Variants in ACTR3C observed in about 807,000 individuals in gnomAD.
ACTR3C encodes actin related protein 3C, also known as actin-related protein 3C.
ACTR3C carries 18 observed loss-of-function variants against 26.3 expected under a neutral mutation model. The observed-to-expected ratio is 0.68, with a 90% confidence interval of 0.47 to 1.01. The LOEUF is 1.01. Among genes scored for constraint, ACTR3C ranks in the 50% least tolerant of loss-of-function variants. ACTR3C has a pLI of 0.00. For synonymous variants in ACTR3C, 55 were observed against 94.5 expected, an observed-to-expected ratio of 0.58 and a Z score of 2.42; for missense variants, 184 against 250.7, an observed-to-expected ratio of 0.73 and a Z score of 1.80.
chr7:149,965,060 T>C, the ACTR3C span, among the ~76,000 whole-genome samples: 1 of 151,948 alleles, frequency 6.6e-6, no homozygotes, highest in Non-Finnish European at 1.5e-5. Context: ...TTCAGGCTAA[T>C]ATTTAACTTT....
chr7:150,067,508 G>A, the ACTR3C span, among the ~76,000 whole-genome samples: 8 of 152,270 alleles, frequency 5.3e-5, no homozygotes, highest in South Asian at 1.7e-3. Context: ...AGGCCCTGGA[G>A]CCCTGGTGTC....
At chr7:150,239,507 GCTCTCTCTCT>G (rs1187583060), downstream of ACTR3C, among the ~76,000 whole-genome samples, 28 of 102,948 alleles carry the variant, frequency 2.7e-4, no homozygotes, top group East Asian at 8.2e-4. Context: ...AAAGTTGCTC[GCTCTCTCTCT>G]CTCTCTCTCT....
the ACTR3C span, among the ~76,000 whole-genome samples, chr7:150,020,411 T>C: frequency 6.6e-6 from 1 of 152,080 alleles, no homozygotes; most frequent in Non-Finnish European, 1.5e-5. Flanking sequence ...CCTATTTCGG[T>C]TTCTGTTTCA....
At chr7:150,209,913 G>A in the ACTR3C span, among the ~76,000 whole-genome samples, 1 of 137,218 alleles carries the variant, frequency 7.3e-6, no homozygotes, top group Non-Finnish European at 1.5e-5. Flanking sequence ...AGCGAGACTG[G>A]GTCTCAAAAA....
chr7:150,160,058 G>C, the ACTR3C span, among the ~76,000 whole-genome samples: 2 of 152,136 alleles, frequency 1.3e-5, no homozygotes, highest in Non-Finnish European at 2.9e-5. Context: ...GCCTCCCAAA[G>C]TGCTGGGGTT....
the ACTR3C span, among the ~76,000 whole-genome samples, chr7:150,114,551 C>T: frequency 6.6e-6 from 1 of 151,774 alleles, no homozygotes; most frequent in Admixed American, 6.6e-5. Flanking sequence ...CCGAGGAAGA[C>T]GTGATTGCAT....
chr7:150,266,278 A>G (rs1208565937), intron 6 of ACTR3C, among the ~76,000 whole-genome samples: 1 of 146,782 alleles, frequency 6.8e-6, no homozygotes, highest in Non-Finnish European at 1.5e-5. Flanking sequence ...TGCTATGCAT[A>G]TGTGGTCAAA....
chr7:150,186,246 C>T, the ACTR3C span, among the ~76,000 whole-genome samples: 8 of 152,168 alleles, frequency 5.3e-5, no homozygotes, highest in African/African-American at 1.9e-4. Flanking sequence ...CTCATCAATG[C>T]CTCCCTGACA....
the ACTR3C span, among the ~76,000 whole-genome samples, chr7:149,952,827 C>G: frequency 3.0e-3 from 456 of 150,848 alleles, 2 homozygotes; most frequent in Non-Finnish European, 5.0e-3. Flanking sequence ...TTGAGAATGT[C>G]TGATTAGAAC....
the ACTR3C span, among the ~76,000 whole-genome samples, chr7:150,154,072 G>T: frequency 8.1e-6 from 1 of 124,066 alleles, no homozygotes; most frequent in Non-Finnish European, 1.6e-5. Context: ...GGGGACTGTT[G>T]TGGGGTGGGG....
At chr7:150,148,159 A>AAAG in the ACTR3C span, among the ~76,000 whole-genome samples, 2,300 of 151,178 alleles carry the variant, frequency 0.015, 69 homozygotes, top group East Asian at 0.14. Flanking sequence ...AAGTTAAAAA[A>AAAG]AAAAAGAAAA....
the ACTR3C span, among the ~76,000 whole-genome samples, chr7:150,047,428 C>T: frequency 2.9e-3 from 441 of 152,248 alleles, 3 homozygotes; most frequent in African/African-American, 9.6e-3. Context: ...AGACCCGCTC[C>T]CTCCGGGACG....
At chr7:150,240,878 CA>C (rs1446042931), downstream of ACTR3C, among the ~76,000 whole-genome samples, 12 of 152,080 alleles carry the variant, frequency 7.9e-5, no homozygotes, top group African/African-American at 2.4e-4. Flanking sequence ...CATCAATACA[CA>C]AAAATCAATT....
the ACTR3C span, among the ~76,000 whole-genome samples, chr7:149,908,480 C>T: frequency 6.6e-6 from 1 of 152,086 alleles, no homozygotes; most frequent in African/African-American, 2.4e-5. Context: ...ATCTGGAGTC[C>T]GCTTTCTAGT....
At chr7:150,309,688 G>A (rs1487695056) in intron 1 of ACTR3C, among the ~76,000 whole-genome samples, 2 of 152,116 alleles carry the variant, frequency 1.3e-5, no homozygotes, top group South Asian at 2.1e-4. Context: ...TTCCTAAGCC[G>A]TGTCCCACCT....
At chr7:150,111,641 T>C in the ACTR3C span, among the ~76,000 whole-genome samples, 30,825 of 89,030 alleles carry the variant, frequency 0.35, 5,184 homozygotes, top group African/African-American at 0.48. Context: ...CACCCTCTCC[T>C]GCACACGCTC....
chr7:149,995,745 G>C, the ACTR3C span, among the ~76,000 whole-genome samples: 44 of 152,354 alleles, frequency 2.9e-4, no homozygotes, highest in South Asian at 7.9e-3. Flanking sequence ...CGGACCTCTG[G>C]AGGGGTGGAA....
the ACTR3C span, among the ~76,000 whole-genome samples, chr7:149,956,295 G>A: frequency 5.9e-5 from 9 of 152,204 alleles, no homozygotes; most frequent in South Asian, 6.2e-4. Flanking sequence ...AGTGTTTCAC[G>A]CCTGTAATCC....
the ACTR3C span, among the ~76,000 whole-genome samples, chr7:149,966,229 C>T: frequency 7.2e-5 from 11 of 152,100 alleles, no homozygotes; most frequent in Non-Finnish European, 1.6e-4. Context: ...TTCTGTGGAC[C>T]GCACTGGAGA....
Sources: gnomAD v4.1 joint callset for allele counts (sites outside exome capture counted in the v4.1 genomes callset) on GRCh38, gnomAD v4.1.1 for gene constraint, MANE v1.5 for transcripts, NCBI Gene and HGNC (gene_info 2026-07-23, HGNC 2026-07-21) for gene names.